GSDMC: variants seen among roughly 807,000 people sequenced by gnomAD.
The protein encoded by GSDMC is gasdermin-C.
GSDMC carries 59 observed loss-of-function variants against 58.0 expected under a neutral mutation model. That is an observed-to-expected ratio of 1.02 (90% confidence interval 0.82 to 1.26). The LOEUF is 1.26. Ranked by LOEUF, GSDMC falls within the 50% of genes most tolerant of loss-of-function variation. The pLI is 0.00. For missense variants in GSDMC, 659 were observed against 598.5 expected, an observed-to-expected ratio of 1.10 and a Z score of -1.06; for synonymous variants, 241 against 220.2, an observed-to-expected ratio of 1.09 and a Z score of -0.83.
At chr8:129,736,271 G>A in the GSDMC span, among the ~76,000 whole-genome samples, 1 of 151,914 alleles carries the variant, frequency 6.6e-6, no homozygotes, top group Non-Finnish European at 1.5e-5. Context: ...GAAAAACAGG[G>A]AATCCTAACT....
the GSDMC span, among the ~76,000 whole-genome samples, chr8:129,723,819 A>G: frequency 1.8e-4 from 28 of 152,240 alleles, no homozygotes; most frequent in African/African-American, 6.5e-4. Context: ...GAATTACTCT[A>G]GAAAATACTA....
the GSDMC span, among the ~76,000 whole-genome samples, chr8:129,709,170 C>T: frequency 2.2e-3 from 250 of 114,886 alleles, 1 homozygote; most frequent in African/African-American, 0.014. Context: ...TGAATTCCCC[C>T]TTCTTTTTTT....
At chr8:129,727,370 A>G in the GSDMC span, among the ~76,000 whole-genome samples, 3 of 152,224 alleles carry the variant, frequency 2.0e-5, no homozygotes, top group South Asian at 6.2e-4. Context: ...GGAATCCACC[A>G]GAATTGTGAA....
At chr8:129,742,454 T>C in the GSDMC span, among the ~76,000 whole-genome samples, 1 of 152,188 alleles carries the variant, frequency 6.6e-6, no homozygotes, top group African/African-American at 2.4e-5. Context: ...AATAATCTAA[T>C]GATATCTCAC....
chr8:129,758,066 A>C (rs2130406073), intron 6 of GSDMC, among the ~76,000 whole-genome samples: 1 of 152,374 alleles, frequency 6.6e-6, no homozygotes, highest in East Asian at 1.9e-4. Flanking sequence ...TTCAACATAC[A>C]CAAATCAATC....
At chr8:129,749,950 A>G (rs1471866640) in intron 12 of GSDMC, 40 bp downstream of exon 12, 2 of 1,541,118 alleles carry the variant, frequency 1.3e-6, no homozygotes, top group Non-Finnish European at 8.7e-7. Flanking sequence ...CTGGGGACCA[A>G]TCTTGTGATT....
At chr8:129,784,683 G>A (rs2034508580) in intron 1 of GSDMC, among the ~76,000 whole-genome samples, 1 of 152,160 alleles carries the variant, frequency 6.6e-6, no homozygotes, top group East Asian at 1.9e-4. Flanking sequence ...AGAACAGTTT[G>A]GACCTTCCTC....
At chr8:129,730,369 T>C in the GSDMC span, 1 of 1,269,538 alleles carries the variant, frequency 7.9e-7, no homozygotes, top group Non-Finnish European at 1.1e-6. Flanking sequence ...GATTATCTAC[T>C]GGATGAACTT....
At position 129,752,712 on chromosome 8, in the gene GSDMC, A is replaced by G. The variant is rs1433244828; in HGVS notation, c.830T>C (p.Met277Thr). 5.0e-6 allele frequency: 8 copies of G among 1,614,238 alleles called. No individual in the cohort carries two copies. Among genetic ancestry groups the G allele is most frequent in the East Asian group, 2.2e-5 (1 of 44,878 alleles). ...AATCACAGTACCTGGTTTTAACTTCATATCATTGGATGAGGCATTGAAGAG... is the reference window on the plus strand; with the variant it reads ...AATCACAGTACCTGGTTTTAACTTCGTATCATTGGATGAGGCATTGAAGAG... The part of the protein sequence containing the change: ...PTLFNASSND[M>T]KLKPELFLTQ... The change falls in exon 7 of 14, where the codon ATG becomes ACG. Residue 277 changes from methionine to threonine, a missense_variant. Transcript: ENST00000276708.
chr8:129,778,442 T>C (rs2034312540), intron 1 of GSDMC, among the ~76,000 whole-genome samples: 1 of 152,106 alleles, frequency 6.6e-6, no homozygotes, highest in South Asian at 2.1e-4. Flanking sequence ...CCTTACACCA[T>C]ATTCAAAAAT....
chr8:129,745,533 A>G (rs2032941106), downstream of GSDMC, among the ~76,000 whole-genome samples: 1 of 152,096 alleles, frequency 6.6e-6, no homozygotes, highest in African/African-American at 2.4e-5. Flanking sequence ...CAACCTTAAT[A>G]TCTCTACTTG....
chr8:129,732,848 G>A, the GSDMC span, among the ~76,000 whole-genome samples: 3 of 152,220 alleles, frequency 2.0e-5, no homozygotes, highest in Non-Finnish European at 4.4e-5. Context: ...AGCTGAAGCA[G>A]GGTGGGTCAT....
intron 10 of GSDMC, 22 bp from the exon 11 acceptor site, chr8:129,750,592 G>T (rs113157022): frequency 6.2e-7 from 1 of 1,610,260 alleles, no homozygotes; most frequent in South Asian, 1.1e-5. Flanking sequence ...CATCAACGCC[G>T]ACCAGAAAGT....
intron 3 of GSDMC, among the ~76,000 whole-genome samples, chr8:129,768,916 C>A (rs2033957412): frequency 1.3e-5 from 2 of 151,976 alleles, no homozygotes. Context: ...CACATCTCTC[C>A]AAAAAATAAA....
the GSDMC span, among the ~76,000 whole-genome samples, chr8:129,710,047 C>G: frequency 6.6e-6 from 1 of 152,210 alleles, no homozygotes; most frequent in African/African-American, 2.4e-5. Flanking sequence ...TGGTAATTAA[C>G]AAGTTGAATG....
At chr8:129,720,586 G>A in the GSDMC span, among the ~76,000 whole-genome samples, 1 of 152,016 alleles carries the variant, frequency 6.6e-6, no homozygotes, top group African/African-American at 2.4e-5. Flanking sequence ...CATATTACAT[G>A]TTCATGCACC....
At chr8:129,772,141 G>A (rs191721593) in intron 3 of GSDMC, among the ~76,000 whole-genome samples, 9 of 151,962 alleles carry the variant, frequency 5.9e-5, no homozygotes, top group African/African-American at 1.9e-4. Context: ...GGCGCCTGTA[G>A]TCCCAGCTGC....
chr8:129,770,439 T>C (rs1004796451), intron 3 of GSDMC, among the ~76,000 whole-genome samples: 1 of 152,190 alleles, frequency 6.6e-6, no homozygotes, highest in Non-Finnish European at 1.5e-5. Context: ...GAGGTTGCAG[T>C]TAGCTGAGAC....
chr8:129,780,488 C>T (rs1222688725), intron 1 of GSDMC, among the ~76,000 whole-genome samples: 3 of 152,128 alleles, frequency 2.0e-5, no homozygotes, highest in Non-Finnish European at 4.4e-5. Context: ...AGTGGCATGA[C>T]ATATTTAATG....
Sources: gnomAD v4.1 joint callset for allele counts (sites outside exome capture counted in the v4.1 genomes callset) on GRCh38, gnomAD v4.1.1 for gene constraint, MANE v1.5 for transcripts, NCBI Gene and HGNC (gene_info 2026-07-23, HGNC 2026-07-21) for gene names.